Variants in ADCY8 observed in about 807,000 individuals in gnomAD.
ADCY8 encodes the protein adenylate cyclase type 8.
In ADCY8, 51 loss-of-function variants were observed where a neutral mutation model predicts 119.7. That is an observed-to-expected ratio of 0.43 (90% CI 0.34 to 0.54). The LOEUF is 0.54. Among genes scored for constraint, ADCY8 ranks in the 20% least tolerant of loss-of-function variants. ADCY8 has a pLI of 0.03. For missense variants in ADCY8, 1,383 were observed against 1,598.8 expected (o/e 0.87, Z 2.30); for synonymous variants, 665 against 651.0 (o/e 1.02, Z -0.33).
At chr8:130,944,832 AG>A (rs1316525232) in intron 3 of ADCY8, among the ~76,000 whole-genome samples, 2 of 152,252 alleles carry the variant, frequency 1.3e-5, no homozygotes, top group African/African-American at 4.8e-5. Context: ...TGGACTAGAA[AG>A]TTAGATTAAA....
chr8:130,805,532 G>A (rs1815920500), intron 14 of ADCY8, among the ~76,000 whole-genome samples: 1 of 152,132 alleles, frequency 6.6e-6, no homozygotes, highest in African/African-American at 2.4e-5. Context: ...GTATCCTGCT[G>A]GAGGTTGGAG....
intron 1 of ADCY8, among the ~76,000 whole-genome samples, chr8:131,030,364 C>T (rs1823960652): frequency 6.6e-6 from 1 of 152,198 alleles, no homozygotes; most frequent in Non-Finnish European, 1.5e-5. Flanking sequence ...GCACGCTCTT[C>T]TTTTCTTCAC....
intron 5 of ADCY8, among the ~76,000 whole-genome samples, chr8:130,929,229 G>T (rs1010921230): frequency 6.6e-6 from 1 of 151,948 alleles, no homozygotes; most frequent in Non-Finnish European, 1.5e-5. Flanking sequence ...GTCCCTTGAG[G>T]TGCAATGTTA....
intron 15 of ADCY8, among the ~76,000 whole-genome samples, chr8:130,785,787 C>G (rs1277335770): frequency 6.6e-6 from 1 of 152,192 alleles, no homozygotes; most frequent in Non-Finnish European, 1.5e-5. Context: ...TACTCAAGGT[C>G]AAAACCAGTC....
intron 11 of ADCY8, among the ~76,000 whole-genome samples, chr8:130,840,587 T>A (rs1248259936): frequency 2.6e-5 from 4 of 152,164 alleles, no homozygotes; most frequent in African/African-American, 9.7e-5. Context: ...ATATATACTA[T>A]GATTACAAGA....
At chr8:130,846,249 G>A (rs1317443168) in intron 11 of ADCY8, among the ~76,000 whole-genome samples, 1 of 152,062 alleles carries the variant, frequency 6.6e-6, no homozygotes, top group Admixed American at 6.5e-5. Context: ...CATGTTAACT[G>A]TTCTACTTTA....
intron 9 of ADCY8, among the ~76,000 whole-genome samples, chr8:130,852,751 C>T (rs1416060975): frequency 6.6e-6 from 1 of 152,038 alleles, no homozygotes; most frequent in African/African-American, 2.4e-5. Context: ...CTCCCTCACC[C>T]TTCTGCACCC....
intron 13 of ADCY8, among the ~76,000 whole-genome samples, chr8:130,815,578 A>G (rs73716627): frequency 0.012 from 1,865 of 152,362 alleles, 29 homozygotes; most frequent in African/African-American, 0.043. Flanking sequence ...CTTGACTAAG[A>G]TCACACATGA....
At chr8:130,868,182 C>T (rs936103334) in intron 8 of ADCY8, among the ~76,000 whole-genome samples, 1 of 152,160 alleles carries the variant, frequency 6.6e-6, no homozygotes, top group African/African-American at 2.4e-5. Context: ...AGTTCTTCCC[C>T]TCCCTCTGAA....
At chr8:130,919,129 T>C (rs1040891301) in intron 5 of ADCY8, among the ~76,000 whole-genome samples, 3 of 152,210 alleles carry the variant, frequency 2.0e-5, no homozygotes, top group African/African-American at 7.2e-5. Flanking sequence ...AACAGAGCTC[T>C]GTGGGACTGG....
At chr8:130,865,650 T>A (rs552044660) in intron 9 of ADCY8, among the ~76,000 whole-genome samples, 2 of 152,298 alleles carry the variant, frequency 1.3e-5, no homozygotes, top group South Asian at 4.1e-4. Context: ...GGTTCAGAGT[T>A]CTAGAAAGAG....
At chr8:130,990,320 TA>T in intron 2 of ADCY8, 72 bp downstream of exon 2, 4 of 1,546,966 alleles carry the variant, frequency 2.6e-6, no homozygotes, top group Non-Finnish European at 3.5e-6. Flanking sequence ...TGTTTGGGAG[TA>T]AAACAGTAGC....
intron 4 of ADCY8, among the ~76,000 whole-genome samples, chr8:130,940,151 A>G (rs140133390): frequency 5.3e-5 from 8 of 152,244 alleles, no homozygotes; most frequent in Non-Finnish European, 8.8e-5. Context: ...GTCACGTGTC[A>G]TCTTACGGAT....
intron 6 of ADCY8, among the ~76,000 whole-genome samples, chr8:130,905,928 C>T (rs1245113135): frequency 6.6e-6 from 1 of 152,172 alleles, no homozygotes; most frequent in Non-Finnish European, 1.5e-5. Context: ...CTGCTACTCC[C>T]TCTCATCCTT....
chr8:130,850,773 CCTT>C (rs1245901036), intron 9 of ADCY8, among the ~76,000 whole-genome samples: 2 of 152,134 alleles, frequency 1.3e-5, no homozygotes, highest in East Asian at 3.9e-4. Context: ...GTTGAACTCA[CCTT>C]CTTTTCCTAA....
At chr8:130,879,102 A>T (rs1293885084) in intron 8 of ADCY8, among the ~76,000 whole-genome samples, 2 of 152,136 alleles carry the variant, frequency 1.3e-5, no homozygotes, top group African/African-American at 2.4e-5. Context: ...GGAAACATCC[A>T]TAAGTAAATG....
intron 2 of ADCY8, among the ~76,000 whole-genome samples, chr8:130,961,937 C>A (rs1268154067): frequency 6.6e-6 from 1 of 152,178 alleles, no homozygotes; most frequent in East Asian, 1.9e-4. Context: ...ATCATGCCAC[C>A]GTACTCCAGC....
intron 14 of ADCY8, among the ~76,000 whole-genome samples, chr8:130,801,083 C>T (rs1815761810): frequency 6.6e-6 from 1 of 152,164 alleles, no homozygotes; most frequent in African/African-American, 2.4e-5. Flanking sequence ...ATATTCAGTC[C>T]ATTGCACCAC....
chr8:130,919,880 A>T (rs1220816683), intron 5 of ADCY8, among the ~76,000 whole-genome samples: 2 of 152,156 alleles, frequency 1.3e-5, no homozygotes, highest in African/African-American at 4.8e-5. Context: ...AGTCACTTCA[A>T]CTATCCTCCA....
Sources: allele counts gnomAD v4.1 joint callset (sites outside exome capture counted in the v4.1 genomes callset), GRCh38; gene constraint gnomAD v4.1.1; transcripts MANE v1.5; gene names NCBI Gene and HGNC (gene_info 2026-07-23, HGNC 2026-07-21).